The following COL5A2 variants were observed in gnomAD, a reference collection of about 807,000 sequenced individuals.
COL5A2 encodes the protein collagen type V alpha 2 chain.
Under a neutral mutation model 208.2 loss-of-function variants are expected in COL5A2, and 23 were observed. The observed-to-expected ratio is 0.11, with a 90% CI of 0.08 to 0.16. The LOEUF (loss-of-function observed/expected upper bound fraction) is 0.16, where lower values mean the gene tolerates loss of function less well. COL5A2 is among the 10% of genes least tolerant of loss of function. COL5A2 has a pLI of 1.00. For missense variants in COL5A2, 1,590 were observed against 1,956.4 expected, an observed-to-expected ratio of 0.81 and a Z score of 3.53; for synonymous variants, 625 against 628.5, an observed-to-expected ratio of 0.99 and a Z score of 0.08.
chr2:189,240,611 C>A, the COL5A2 span, among the ~76,000 whole-genome samples: 1 of 152,122 alleles, frequency 6.6e-6, no homozygotes, highest in Non-Finnish European at 1.5e-5. Context: ...TGTTTTATGT[C>A]TTGACTCTGC....
At chr2:189,280,029 G>A in the COL5A2 span, among the ~76,000 whole-genome samples, 15 of 152,132 alleles carry the variant, frequency 9.9e-5, no homozygotes, top group African/African-American at 2.7e-4. Flanking sequence ...ATTCAAGCAT[G>A]TAAAGTTACA....
chr2:189,041,762 A>G lies in COL5A2; in HGVS notation c.3526-69T>C, dbSNP rs1439838034. 6 of 995,194 alleles carry G rather than the reference A, an allele frequency of 6.0e-6. No homozygotes were observed. In the Admixed American group the frequency reaches 1.1e-4, roughly 18 times the overall value. The allele number at this position is 995,194 out of a possible 1,614,324, so 61.6% of individuals were successfully genotyped here. On this transcript the variant is annotated intron_variant, in intron 49 of 53. Coordinates refer to ENST00000374866, the MANE Select transcript of COL5A2 (RefSeq NM_000393.5). ...ATTTTACAATGCCTTTCTCTAATCA[A>G]AGAACTATTTTACATATGGAGCTGT...
At chr2:189,052,631 G>A in intron 40 of COL5A2, 118 bp downstream of exon 40, 1 of 1,019,876 alleles carries the variant, frequency 9.8e-7, no homozygotes, top group East Asian at 2.5e-5. Flanking sequence ...TAGTACAGTT[G>A]ATACAGGTAA....
chr2:189,377,797 A>G, the COL5A2 span, among the ~76,000 whole-genome samples: 1 of 152,222 alleles, frequency 6.6e-6, no homozygotes, highest in Non-Finnish European at 1.5e-5. Context: ...CATGCATCAC[A>G]GAATAGACAC....
intron 1 of COL5A2, among the ~76,000 whole-genome samples, chr2:189,208,117 A>G (rs1689164119): frequency 6.6e-6 from 1 of 152,162 alleles, no homozygotes; most frequent in Non-Finnish European, 1.5e-5. Flanking sequence ...TTAAATGTTC[A>G]AAGGGATATC....
chr2:189,419,984 AG>A, the COL5A2 span, among the ~76,000 whole-genome samples: 1 of 141,002 alleles, frequency 7.1e-6, no homozygotes, highest in Non-Finnish European at 1.5e-5. Context: ...GAGGAGGAAG[AG>A]GAGGAGGAGA....
At chr2:189,184,503 TG>T (rs1002425455), upstream of COL5A2, among the ~76,000 whole-genome samples, 15 of 152,304 alleles carry the variant, frequency 9.8e-5, no homozygotes, top group African/African-American at 3.4e-4. Flanking sequence ...TTGGGGTGCT[TG>T]GGGAAAATCT....
chr2:189,336,269 G>A, the COL5A2 span, among the ~76,000 whole-genome samples: 1 of 152,138 alleles, frequency 6.6e-6, no homozygotes, highest in Admixed American at 6.5e-5. Context: ...GGAACAAATG[G>A]AACCTTCATA....
In COL5A2 at chr2:189,138,503, C is replaced by T. The variant is rs536746862; in HGVS notation, c.98-28054G>A. On this transcript the variant is annotated intron_variant, in intron 1 of 53. Transcript: ENST00000374866. ...TTGTATATACAACTATTAGTACACACATATATATTTCCTTGCTCTGTCAGC... is the reference window on the plus strand; with the variant it reads ...TTGTATATACAACTATTAGTACACATATATATATTTCCTTGCTCTGTCAGC... 3.5e-4 allele frequency among the ~76,000 whole-genome samples: 53 copies of T among 152,186 alleles called. No individual in the cohort carries two copies. In the South Asian group the frequency reaches 0.011, roughly 31 times the overall value.
chr2:189,318,668 T>C, the COL5A2 span, among the ~76,000 whole-genome samples: 395 of 152,336 alleles, frequency 2.6e-3, 11 homozygotes, highest in Admixed American at 0.022. Flanking sequence ...TTGAAGCACT[T>C]AAAAATAAAA....
chr2:189,044,268 A>G (rs1685618529), intron 47 of COL5A2, among the ~76,000 whole-genome samples: 1 of 152,164 alleles, frequency 6.6e-6, no homozygotes. Context: ...ATCATACAGT[A>G]TAGGAACCCA....
At chr2:189,393,260 A>G in the COL5A2 span, among the ~76,000 whole-genome samples, 1 of 152,076 alleles carries the variant, frequency 6.6e-6, no homozygotes, top group Admixed American at 6.6e-5. Flanking sequence ...TGATTTTCCA[A>G]TCTTGGGTCT....
the COL5A2 span, among the ~76,000 whole-genome samples, chr2:189,422,568 G>C: frequency 1.3e-5 from 2 of 152,156 alleles, no homozygotes; most frequent in Admixed American, 1.3e-4. Context: ...ATGGACATAT[G>C]CAGAACACAC....
At chr2:189,393,234 A>G in the COL5A2 span, among the ~76,000 whole-genome samples, 1 of 152,090 alleles carries the variant, frequency 6.6e-6, no homozygotes, top group Non-Finnish European at 1.5e-5. Flanking sequence ...TTCATTCTGT[A>G]TGTCTAAAAG....
chr2:189,346,451 G>T, the COL5A2 span, among the ~76,000 whole-genome samples: 1 of 152,066 alleles, frequency 6.6e-6, no homozygotes. Context: ...CATTTCATAA[G>T]ATATACTCCA....
chr2:189,051,056 A>T (rs567657810), intron 42 of COL5A2, among the ~76,000 whole-genome samples: 1 of 152,222 alleles, frequency 6.6e-6, no homozygotes, highest in South Asian at 2.1e-4. Context: ...ATATACATAT[A>T]TTTTTAAAGT....
At chr2:189,053,278 TA>T (rs1161682386) in intron 38 of COL5A2, 145 bp downstream of exon 38, 12 of 810,526 alleles carry the variant, frequency 1.5e-5, no homozygotes, top group Admixed American at 2.4e-5. Flanking sequence ...TGCCAGTCTA[TA>T]AAAAAATGTA....
At chr2:189,407,754 T>G in the COL5A2 span, among the ~76,000 whole-genome samples, 1 of 152,196 alleles carries the variant, frequency 6.6e-6, no homozygotes, top group Non-Finnish European at 1.5e-5. Context: ...GCAGGAATAC[T>G]GCAGCAAGAC....
At chr2:189,088,896 G>C in intron 7 of COL5A2, 124 bp from the exon 8 acceptor site, 1 of 823,418 alleles carries the variant, frequency 1.2e-6, no homozygotes, top group Non-Finnish European at 2.1e-6. Context: ...ATCATTCTAA[G>C]TGCTTGACTT....
Sources: gnomAD v4.1 joint callset for allele counts (sites outside exome capture counted in the v4.1 genomes callset) on GRCh38, gnomAD v4.1.1 for gene constraint, MANE v1.5 for transcripts, NCBI Gene and HGNC (gene_info 2026-07-23, HGNC 2026-07-21) for gene names.